The following NLGN1 variants were observed in gnomAD, a reference collection of about 807,000 sequenced individuals.
NLGN1 encodes the protein neuroligin 1, also known as neuroligin-1.
Under a neutral mutation model 65.5 loss-of-function variants are expected in NLGN1, and 12 were observed. That is an observed-to-expected ratio of 0.18 (90% CI 0.12 to 0.30). The LOEUF is 0.30. NLGN1 is among the 10% of genes least tolerant of loss of function. NLGN1 has a pLI of 1.00. For missense variants in NLGN1, 750 were observed against 1,007.1 expected (o/e 0.74, Z 3.46); for synonymous variants, 350 against 359.5 (o/e 0.97, Z 0.30).
intron 4 of NLGN1, among the ~76,000 whole-genome samples, chr3:174,161,109 T>C (rs1726424474): frequency 6.6e-6 from 1 of 151,892 alleles, no homozygotes; most frequent in Non-Finnish European, 1.5e-5. Flanking sequence ...CTTAATAATA[T>C]AGACTGTGTT....
intron 2 of NLGN1, among the ~76,000 whole-genome samples, chr3:173,435,621 G>A (rs554257674): frequency 6.6e-6 from 1 of 152,142 alleles, no homozygotes; most frequent in Non-Finnish European, 1.5e-5. Flanking sequence ...CATATCACGA[G>A]GTCAGGAGAT....
At chr3:173,562,543 G>C (rs902910441) in intron 2 of NLGN1, among the ~76,000 whole-genome samples, 1 of 151,736 alleles carries the variant, frequency 6.6e-6, no homozygotes, top group Non-Finnish European at 1.5e-5. Flanking sequence ...CTCCAGCCTG[G>C]TGACAGAGCA....
intron 2 of NLGN1, among the ~76,000 whole-genome samples, chr3:173,556,096 A>G (rs1432766723): frequency 6.6e-6 from 1 of 152,090 alleles, no homozygotes; most frequent in Non-Finnish European, 1.5e-5. Flanking sequence ...CGTCCCTACT[A>G]TTTACAAATT....
chr3:173,420,984 G>T (rs1211010125), intron 1 of NLGN1, among the ~76,000 whole-genome samples: 1 of 152,022 alleles, frequency 6.6e-6, no homozygotes, highest in Non-Finnish European at 1.5e-5. Flanking sequence ...TACAAGCCCT[G>T]TGCATTAATT....
chr3:173,437,248 T>A (rs1165103686), intron 2 of NLGN1, among the ~76,000 whole-genome samples: 1 of 152,192 alleles, frequency 6.6e-6, no homozygotes, highest in Non-Finnish European at 1.5e-5. Context: ...TTATCACAGC[T>A]AGATGTTCAG....
intron 3 of NLGN1, among the ~76,000 whole-genome samples, 196 bp downstream of exon 3, chr3:173,605,789 T>G (rs192814805): frequency 2.0e-5 from 3 of 152,050 alleles, no homozygotes; most frequent in African/African-American, 4.8e-5. Context: ...CAAAGCTCAT[T>G]GGTTGTGCCT....
rs563060176 is a variant in NLGN1, at chr3:174,198,762, C to A, written c.647-76553C>A. Among the ~76,000 whole-genome samples, 25 of 151,538 alleles carry A rather than the reference C, an allele frequency of 1.6e-4. No individual in the cohort carries two copies. The South Asian group carries it at 5.0e-3, about 30-fold the overall frequency. On this transcript the variant is annotated intron_variant, in intron 4 of 6. Transcript: ENST00000457714. ...ACTGAACCGTATTTATCTGAGTGCC[C>A]ACACTTCTCTCCCCTGGGGTATTAT...
intron 3 of NLGN1, among the ~76,000 whole-genome samples, chr3:173,643,877 T>C (rs370554991): frequency 2.0e-5 from 3 of 152,132 alleles, no homozygotes; most frequent in African/African-American, 7.2e-5. Context: ...TACAGGTGTG[T>C]GCCACCACAC....
At chr3:173,857,264 A>G (rs544952525) in intron 4 of NLGN1, among the ~76,000 whole-genome samples, 1 of 152,136 alleles carries the variant, frequency 6.6e-6, no homozygotes, top group South Asian at 2.1e-4. Flanking sequence ...ATTTGAATCC[A>G]CTGATAACTG....
intron 4 of NLGN1, among the ~76,000 whole-genome samples, chr3:173,955,678 T>A (rs1711831959): frequency 6.6e-6 from 1 of 152,174 alleles, no homozygotes; most frequent in Non-Finnish European, 1.5e-5. Context: ...AACTGGAGAA[T>A]AATTGCTTGA....
At chr3:173,881,583 C>T (rs1178540378) in intron 4 of NLGN1, among the ~76,000 whole-genome samples, 1 of 151,790 alleles carries the variant, frequency 6.6e-6, no homozygotes, top group Admixed American at 6.6e-5. Context: ...CGCCACCACG[C>T]CTGGCTAATT....
chr3:173,685,449 A>T (rs1029432968), intron 3 of NLGN1, among the ~76,000 whole-genome samples: 4 of 152,168 alleles, frequency 2.6e-5, no homozygotes, highest in African/African-American at 9.7e-5. Context: ...TGTTATAAAA[A>T]TGCTCCCATG....
intron 2 of NLGN1, among the ~76,000 whole-genome samples, chr3:173,502,563 A>G (rs1577008360): frequency 6.6e-6 from 1 of 152,132 alleles, no homozygotes; most frequent in Non-Finnish European, 1.5e-5. Flanking sequence ...AAGTTCACTT[A>G]TGTGTGTGCA....
At chr3:173,759,863 T>C (rs1421767287) in intron 3 of NLGN1, among the ~76,000 whole-genome samples, 1 of 152,106 alleles carries the variant, frequency 6.6e-6, no homozygotes, top group East Asian at 1.9e-4. Context: ...TTGTTATTTA[T>C]CTCCCAAATT....
intron 4 of NLGN1, among the ~76,000 whole-genome samples, chr3:174,012,366 C>CT (rs1015726026): frequency 6.6e-6 from 1 of 151,956 alleles, no homozygotes; most frequent in Non-Finnish European, 1.5e-5. Flanking sequence ...TTAAATTGAT[C>CT]TTTTTTTTAA....
chr3:173,526,279 A>T (rs1291376428), intron 2 of NLGN1, among the ~76,000 whole-genome samples: 1 of 151,800 alleles, frequency 6.6e-6, no homozygotes, highest in Non-Finnish European at 1.5e-5. Flanking sequence ...TTTATAGTTA[A>T]ATCTTGTTGC....
At chr3:174,255,637 C>T (rs1025954622) in intron 4 of NLGN1, among the ~76,000 whole-genome samples, 5 of 141,942 alleles carry the variant, frequency 3.5e-5, no homozygotes, top group South Asian at 2.2e-4. Flanking sequence ...TTCTTTTCTT[C>T]TATTTATTTA....
chr3:173,506,482 A>G (rs1392952812), intron 2 of NLGN1, among the ~76,000 whole-genome samples: 7 of 152,086 alleles, frequency 4.6e-5, no homozygotes, highest in Non-Finnish European at 1.0e-4. Context: ...GTAACTAGCT[A>G]TAATTGTGAC....
chr3:174,271,175 A>C (rs1749322183), intron 4 of NLGN1, among the ~76,000 whole-genome samples: 1 of 151,854 alleles, frequency 6.6e-6, no homozygotes, highest in African/African-American at 2.4e-5. Context: ...GAAATTAACA[A>C]CTATAAACAT....
Sources: allele counts gnomAD v4.1 joint callset (sites outside exome capture counted in the v4.1 genomes callset), GRCh38; gene constraint gnomAD v4.1.1; transcripts MANE v1.5; gene names NCBI Gene and HGNC (gene_info 2026-07-23, HGNC 2026-07-21).